PSG3: variants seen among roughly 807,000 people sequenced by gnomAD.
The protein encoded by PSG3 is pregnancy-specific beta-1-glycoprotein 3.
PSG3 carries 61 observed loss-of-function variants against 47.5 expected under a neutral mutation model. The observed-to-expected ratio is 1.28, with a 90% CI of 1.05 to 1.59. The LOEUF (loss-of-function observed/expected upper bound fraction) is 1.59. Ranked by LOEUF, PSG3 falls within the 40% of genes most tolerant of loss-of-function variation. PSG3 has a pLI of 0.00. For missense variants in PSG3, 756 were observed against 524.0 expected (o/e 1.44, Z -4.32); for synonymous variants, 263 against 198.4 (o/e 1.33, Z -2.74).
At chr19:42,723,855 C>A in intron 6 of PSG3, 87 bp downstream of exon 6, 2 of 1,062,176 alleles carry the variant, frequency 1.9e-6, no homozygotes. Context: ...AGATCCAGTC[C>A]CAGATACAGG....
At chr19:42,729,754 C>G in intron 4 of PSG3, 24 bp downstream of exon 4, 14 of 1,599,102 alleles carry the variant, frequency 8.8e-6, no homozygotes, top group African/African-American at 1.3e-5. Context: ...TGTCCTGGCC[C>G]ACAGAGGAAC....
chr19:42,740,368 G>C lies in PSG3; in HGVS notation c.17C>G (p.Ala6Gly). The change falls in exon 1 of 7, where the codon GCC becomes GGC. Residue 6 changes from alanine to glycine, a missense_variant. Physicochemically the swap from Ala to Gly is moderately conservative, Grantham distance 60 (BLOSUM62 0). Coordinates refer to ENST00000327495, the MANE Select transcript of PSG3 (RefSeq NM_021016.4). The part of the protein sequence containing the change: MGPLS[A>G]PPCTQRITWK... ...GGTGATGCGCTGTGTGCAGGGAGGG[G>C]CTGAGAGGGGCCCCATGGTCTCTGC... 4 of 1,613,998 alleles carry C rather than the reference G, an allele frequency of 2.5e-6. No individual in the cohort carries two copies. The highest frequency in any genetic ancestry group is 3.4e-6 in the Non-Finnish European group (4 of 1,179,906).
intron 5 of PSG3, among the ~76,000 whole-genome samples, chr19:42,725,347 T>C (rs1427287732): frequency 2.0e-5 from 3 of 152,236 alleles, no homozygotes; most frequent in Admixed American, 6.5e-5. Context: ...CCTACTTTAA[T>C]ACTTCAGGAT....
Position 42,721,947 on chromosome 19 carries a change from T to C in PSG3, c.*184A>G. 1 of 415,592 alleles carries C rather than the reference T, an allele frequency of 2.4e-6. No individual in the cohort carries two copies. The highest frequency in any genetic ancestry group is 4.4e-6 in the Non-Finnish European group (1 of 226,332). 25.7% of individuals were successfully genotyped at this position (415,592 alleles called of 1,614,324 possible). A position where few individuals can be genotyped will look rare whatever the true frequency, so the allele number is the denominator to read the frequency against. On this transcript the variant is annotated 3_prime_UTR_variant, in exon 7 of 7. Coordinates refer to ENST00000327495, the MANE Select transcript of PSG3 (RefSeq NM_021016.4). ...TGTTCATTAAAATTTTGAAAGTTCT[T>C]AGTCCAGTGGTATGATCTTGAAGTT...
At chr19:42,732,089 A>T (rs940459235) in intron 3 of PSG3, 6 of 155,738 alleles carry the variant, frequency 3.9e-5, no homozygotes, top group African/African-American at 1.4e-4. Flanking sequence ...GATAGACTTC[A>T]CTGGAAAACA....
intron 2 of PSG3, among the ~76,000 whole-genome samples, chr19:42,736,276 G>A (rs979670206): frequency 5.3e-5 from 8 of 152,176 alleles, no homozygotes; most frequent in Admixed American, 2.0e-4. Flanking sequence ...ATTGTAGAAC[G>A]TGAGATTGGT....
chr19:42,731,059 T>C (rs1969465379), intron 3 of PSG3, among the ~76,000 whole-genome samples: 1 of 152,190 alleles, frequency 6.6e-6, no homozygotes, highest in Non-Finnish European at 1.5e-5. Flanking sequence ...GTAAGTGGAT[T>C]CCAGAGTGAA....
chr19:42,726,763 T>C (rs1969384288), intron 5 of PSG3, among the ~76,000 whole-genome samples: 1 of 152,108 alleles, frequency 6.6e-6, no homozygotes, highest in Non-Finnish European at 1.5e-5. Flanking sequence ...CTCAGTGACA[T>C]TTTTGCAGTA....
chr19:42,726,220 G>A (rs1969375897), intron 5 of PSG3, among the ~76,000 whole-genome samples: 1 of 152,146 alleles, frequency 6.6e-6, no homozygotes, highest in Non-Finnish European at 1.5e-5. Flanking sequence ...AGCTTTCCCT[G>A]TATGAGCAGG....
chr19:42,737,557 C>T (rs375462255), intron 2 of PSG3, among the ~76,000 whole-genome samples: 19 of 152,202 alleles, frequency 1.2e-4, no homozygotes, highest in African/African-American at 2.4e-4. Context: ...CTGACTCTGA[C>T]GGTTGAGGTA....
At chr19:42,731,561 T>C (rs1380639244) in intron 3 of PSG3, among the ~76,000 whole-genome samples, 1 of 152,130 alleles carries the variant, frequency 6.6e-6, no homozygotes, top group Non-Finnish European at 1.5e-5. Flanking sequence ...ACTTTCCACC[T>C]TTTCATGGTT....
At chr19:42,728,366 C>T (rs1192512321) in intron 5 of PSG3, among the ~76,000 whole-genome samples, 1 of 152,308 alleles carries the variant, frequency 6.6e-6, no homozygotes, top group Non-Finnish European at 1.5e-5. Context: ...CCTATTTCTC[C>T]AGCTCTGCAT....
chr19:42,724,615 C>A (rs1453460132), intron 5 of PSG3, among the ~76,000 whole-genome samples: 1 of 152,178 alleles, frequency 6.6e-6, no homozygotes. Flanking sequence ...CCTAAAACTT[C>A]TTTCTCTTTC....
rs371257047 is a variant in PSG3 at position 42,736,178 on chromosome 19, A to G, written c.430+2546T>C. ...AACTGAATTCTGCTAAAATGTTGGC[A>G]GAGTTTTTATAATCCTTGACTGCTC... On this transcript the variant is annotated intron_variant, in intron 2 of 6. Transcript: ENST00000327495. Among the ~76,000 whole-genome samples, 16 of 152,358 alleles carry G rather than the reference A, an allele frequency of 1.1e-4. 1 individual carries two copies. Among genetic ancestry groups the G allele is most frequent in the African/African-American group, 3.8e-4 (16 of 41,588 alleles).
At chr19:42,738,339 G>T (rs544039853) in intron 2 of PSG3, among the ~76,000 whole-genome samples, 6 of 152,308 alleles carry the variant, frequency 3.9e-5, no homozygotes, top group African/African-American at 1.4e-4. Context: ...TGGTTCTGGG[G>T]GTGAGGCTTC....
intron 1 of PSG3, chr19:42,739,559 T>G (rs1373195023): frequency 1.2e-5 from 2 of 168,254 alleles, no homozygotes; most frequent in East Asian, 3.3e-4. Context: ...CATGACAGCG[T>G]GAGCTCCGTG....
rs530758774 is a variant in PSG3 at position 42,728,119 on chromosome 19, GAGA to G, written c.1243+1001_1243+1003del. On this transcript the variant is annotated intron_variant, in intron 5 of 6. Coordinates refer to ENST00000327495, the MANE Select transcript of PSG3 (RefSeq NM_021016.4). ...AATGGTGGGTGCTAAGGTTTAGGGG[GAGA>G]AGGAGTGAGAGTTACTGTTTATTGG... is the stretch of plus-strand genomic sequence containing the variant. Among the ~76,000 whole-genome samples, 109 of 152,304 alleles carry G rather than the reference GAGA, an allele frequency of 7.2e-4. 1 individual carries two copies. Among genetic ancestry groups the G allele is most frequent in the Non-Finnish European group, 1.3e-3 (87 of 68,022 alleles).
intron 2 of PSG3, among the ~76,000 whole-genome samples, chr19:42,738,068 G>T (rs1463375457): frequency 1.3e-5 from 2 of 152,146 alleles, no homozygotes; most frequent in African/African-American, 4.8e-5. Context: ...CTATGGACTG[G>T]CCTAAGCCTC....
chr19:42,727,637 T>C (rs1448513251), intron 5 of PSG3, among the ~76,000 whole-genome samples: 1 of 152,106 alleles, frequency 6.6e-6, no homozygotes, highest in African/African-American at 2.4e-5. Flanking sequence ...TGTTTTCAAG[T>C]AGATGGAAAA....
Sources: gnomAD v4.1 joint callset for allele counts (sites outside exome capture counted in the v4.1 genomes callset) on GRCh38, gnomAD v4.1.1 for gene constraint, MANE v1.5 for transcripts, NCBI Gene and HGNC (gene_info 2026-07-23, HGNC 2026-07-21) for gene names.